Variants in TRIM3 observed in about 807,000 individuals in gnomAD.
TRIM3 encodes the protein tripartite motif containing 3.
TRIM3 carries 13 observed loss-of-function variants against 66.6 expected under a neutral mutation model. That is an observed-to-expected ratio of 0.20 (90% confidence interval 0.13 to 0.31). The LOEUF is 0.31. Among genes scored for constraint, TRIM3 ranks in the 10% least tolerant of loss-of-function variants. The pLI, the probability that TRIM3 is intolerant of heterozygous loss-of-function variation, is 1.00. For missense variants in TRIM3, 711 were observed against 1,020.4 expected (o/e 0.70, Z 4.13); for synonymous variants, 406 against 411.7 (o/e 0.99, Z 0.17).
At chr11:6,454,386 C>CAAA (rs10665333) in intron 7 of TRIM3, among the ~76,000 whole-genome samples, 2,700 of 129,120 alleles carry the variant, frequency 0.021, 76 homozygotes, top group African/African-American at 0.065. Context: ...GACCCTGTCT[C>CAAA]AAAAAAAAAA....
At position 6,458,147 on chromosome 11, in the gene TRIM3, T is replaced by A. The variant is rs2134187116; in HGVS notation, c.281A>T (p.Asp94Val). 6.2e-7 allele frequency: 1 copy of A among 1,614,052 alleles called. No individual in the cohort carries two copies. The highest frequency in any genetic ancestry group is 2.2e-5 in the East Asian group (1 of 44,874). The change falls in exon 3 of 12, where the codon GAT becomes GTT. Residue 94 changes from aspartate (D) to valine (V), a missense_variant. Transcript: ENST00000345851. This position sits in a 1 kb window ranked among gnomAD's most constrained non-coding sequence, Gnocchi z 6.2. Reference sequence around the variant, plus strand: ...GGGGTCCTCCGGGTCGTGGGCCCCATCAGGTGCCTGCTGCATTGCCTCCAT... The same window carrying A: ...GGGGTCCTCCGGGTCGTGGGCCCCAACAGGTGCCTGCTGCATTGCCTCCAT... ...SLMEAMQQAP[D>V]GAHDPEDPHP...
At position 6,456,093 on chromosome 11, in the gene TRIM3, G is replaced by C; in HGVS notation, c.1512C>G (p.Asp504Glu). 1 of 1,614,182 alleles carries C rather than the reference G, an allele frequency of 6.2e-7. No homozygotes were observed. The highest frequency in any genetic ancestry group is 8.5e-7 in the Non-Finnish European group (1 of 1,180,034). The change falls in exon 7 of 12, where the codon GAC becomes GAG. Residue 504 changes from aspartate (D) to glutamate (E), a missense_variant. Transcript: ENST00000345851. This position sits in a 1 kb window ranked among gnomAD's most constrained non-coding sequence, Gnocchi z 6.4. ...AASSGRIVVA[D>E]SNNQCIQVFS... is the part of the protein sequence containing the mutation. ...TTACCTGAATACACTGGTTGTTGCT[G>C]TCTGCTACCACGATGCGGCCGCTGC... is the stretch of plus-strand genomic sequence containing the variant.
chr11:6,453,780 C>G (rs927754268), intron 7 of TRIM3, among the ~76,000 whole-genome samples: 15 of 152,218 alleles, frequency 9.9e-5, no homozygotes, highest in Admixed American at 1.3e-4. Context: ...TCAGTGAGGT[C>G]TGCCTCATCC....
At position 6,458,430 on chromosome 11, in the gene TRIM3, G is replaced by C; in HGVS notation, c.132-134C>G. ...ACTTCATTTTAAAACCTCTCTGCTT[G>C]ACACATCTCATCTGCCAGCAGGTAT... On this transcript the variant is annotated intron_variant, in intron 2 of 11. Coordinates refer to ENST00000345851, the MANE Select transcript of TRIM3 (RefSeq NM_033278.4). This position sits in a 1 kb window ranked among gnomAD's most constrained non-coding sequence, Gnocchi z 6.2. The C allele has an allele frequency of 1.4e-6, 1 of 710,930 alleles. No individual in the cohort carries two copies. Among genetic ancestry groups the C allele is most frequent in the Non-Finnish European group, 2.4e-6 (1 of 423,796 alleles). 44.0% of individuals were successfully genotyped at this position (710,930 alleles called of 1,614,324 possible).
chr11:6,474,231 G>A (rs543888034), upstream of TRIM3: 2 of 152,354 alleles, frequency 1.3e-5, no homozygotes, highest in South Asian at 2.1e-4. Flanking sequence ...TCGGTCTCAG[G>A]GATTGAGATG....
chr11:6,448,871 C>G lies in TRIM3; in HGVS notation c.*157G>C, dbSNP rs1849606612. On this transcript the variant is annotated 3_prime_UTR_variant, in exon 12 of 12. Transcript: ENST00000345851. Reference sequence around the variant, plus strand: ...CAAGAACCGAATAAATAAAGTGCAACCGTGGGGGTGGGGGTAGGAGAGGGA... The same window carrying G: ...CAAGAACCGAATAAATAAAGTGCAAGCGTGGGGGTGGGGGTAGGAGAGGGA... 10 of 860,382 alleles carry G rather than the reference C, an allele frequency of 1.2e-5. No homozygotes were observed. In the South Asian group the frequency reaches 1.4e-4, roughly 12 times the overall value. The allele number at this position is 860,382 out of a possible 1,614,324, so 53.3% of individuals were successfully genotyped here.
chr11:6,465,330 C>G (rs1030607893), intron 2 of TRIM3, among the ~76,000 whole-genome samples: 14 of 152,294 alleles, frequency 9.2e-5, no homozygotes, highest in African/African-American at 3.4e-4. Context: ...AGAGAAGGCC[C>G]TATTCTTGAC....
At chr11:6,459,102 G>A (rs1012970846) in intron 2 of TRIM3, among the ~76,000 whole-genome samples, 1 of 152,222 alleles carries the variant, frequency 6.6e-6, no homozygotes, top group African/African-American at 2.4e-5. Context: ...AAAGTCTTCA[G>A]AGAGTTGATG....
intron 1 of TRIM3, 36 bp from the exon 2 acceptor site, chr11:6,465,768 A>T: frequency 1.3e-6 from 2 of 1,581,136 alleles, no homozygotes; most frequent in Admixed American, 1.7e-5. Flanking sequence ...GGGAGTCCAG[A>T]ACTTCTTCTC....
intron 1 of TRIM3, among the ~76,000 whole-genome samples, chr11:6,471,679 A>C (rs1345093817): frequency 6.6e-6 from 1 of 152,252 alleles, no homozygotes; most frequent in Admixed American, 6.5e-5. Context: ...ACAATGTGAT[A>C]AGTACCATGA....
rs1217787791 is a variant in TRIM3, at chr11:6,456,868, G to A, written c.858C>T (p.Phe286=). 6.2e-7 allele frequency: 1 copy of A among 1,612,616 alleles called. No homozygotes were observed. Among genetic ancestry groups the A allele is most frequent in the Middle Eastern group, 1.6e-4 (1 of 6,062 alleles). ...ERLAALAAQA[F]PERPHENAQL... is the part of the protein sequence containing the mutation. ...GTGCATTCTCATGTGGCCGCTCCGG[G>A]AAGGCCTGTGCCGCCAATGCAGCCA... Residue 286 remains phenylalanine, a synonymous_variant, in exon 6 of 12, where the codon TTC becomes TTT. Coordinates refer to ENST00000345851, the MANE Select transcript of TRIM3 (RefSeq NM_033278.4). This position sits in a 1 kb window ranked among gnomAD's most constrained non-coding sequence, Gnocchi z 6.4.
At position 6,472,494 on chromosome 11, in the gene TRIM3, C is replaced by T. The variant is rs186456628; in HGVS notation, c.-38+1297G>A. Reference sequence around the variant, plus strand: ...TAAGTCACCTGTGACACTCTATGAACGCTCTCTATTCTAACCATATGGTTT... The same window carrying T: ...TAAGTCACCTGTGACACTCTATGAATGCTCTCTATTCTAACCATATGGTTT... On this transcript the variant is annotated intron_variant, in intron 1 of 11. Coordinates refer to ENST00000345851, the MANE Select transcript of TRIM3 (RefSeq NM_033278.4). Among the ~76,000 whole-genome samples, 14 of 145,470 alleles carry T rather than the reference C, an allele frequency of 9.6e-5. No homozygotes were observed. The East Asian group carries it at 1.1e-3, about 11-fold the overall frequency.
Position 6,456,395 on chromosome 11 carries a change from T to C in TRIM3, c.1331A>G (p.His444Arg), listed in dbSNP as rs760460780. The C allele has an allele frequency of 5.2e-6, 8 of 1,530,504 alleles. No homozygotes were observed. Among genetic ancestry groups the C allele is most frequent in the Non-Finnish European group, 6.2e-6 (7 of 1,136,198 alleles). The allele number at this position is 1,530,504 out of a possible 1,614,324, so 94.8% of individuals were successfully genotyped here. ...CCTACGCACTGCCTTCTGGCGCACA[T>C]GGCTGCCGGGGCCGCCAGGGGACTT... ...RVKSPGGPGS[H>R]VRQKAVRRPS... Residue 444 changes from histidine (H) to arginine (R), a missense_variant, in exon 6 of 12, where the codon CAT (histidine) becomes CGT (arginine). His to Arg is a conservative substitution (Grantham distance 29). Coordinates refer to ENST00000345851, the MANE Select transcript of TRIM3 (RefSeq NM_033278.4). This position sits in a 1 kb window ranked among gnomAD's most constrained non-coding sequence, Gnocchi z 6.4.
Position 6,465,627 on chromosome 11 carries a change from G to C in TRIM3, c.69C>G (p.Ser23Arg), listed in dbSNP as rs546292125. The C allele has an allele frequency of 6.2e-7, 1 of 1,614,176 alleles. No homozygotes were observed. The highest frequency in any genetic ancestry group is 1.3e-5 in the African/African-American group (1 of 75,048). The change falls in exon 2 of 12, where the codon AGC becomes AGG. Residue 23 changes from serine (S) to arginine (R), a missense_variant. By Grantham distance (110) the Ser-to-Arg change is moderately radical. This residue lies in a region of TRIM3 where 149 missense variants were observed against 240.3 expected (regional missense o/e 0.62). Coordinates refer to ENST00000345851, the MANE Select transcript of TRIM3 (RefSeq NM_033278.4). ...GGCACTGGTACCGATCCAGGCAGATGCTGCATACCAGGAACTGCTTGTCCA... is the reference window on the plus strand; with the variant it reads ...GGCACTGGTACCGATCCAGGCAGATCCTGCATACCAGGAACTGCTTGTCCA... ...QPMDKQFLVC[S>R]ICLDRYQCPK... is the part of the protein sequence containing the mutation.
At chr11:6,455,538 A>G (rs1279676284) in intron 7 of TRIM3, among the ~76,000 whole-genome samples, 1 of 152,202 alleles carries the variant, frequency 6.6e-6, no homozygotes. Flanking sequence ...GTATGAGGTT[A>G]TGGGAGAGGC....
chr11:6,448,726 T>G lies in TRIM3; in HGVS notation c.*302A>C. The G allele has an allele frequency of 1.6e-6, 1 of 611,554 alleles. No individual in the cohort carries two copies. The highest frequency in any genetic ancestry group is 2.9e-6 in the Non-Finnish European group (1 of 343,892). The allele number at this position is 611,554 out of a possible 1,614,324, so 37.9% of individuals were successfully genotyped here. A position where few individuals can be genotyped will look rare whatever the true frequency, so the allele number is the denominator to read the frequency against. ...ACTCCTGTCCTGGGGTAGGCTGTTC[T>G]GGCCCCAGGCTGGGGGATGGGGAGC... is the stretch of plus-strand genomic sequence containing the variant. On this transcript the variant is annotated 3_prime_UTR_variant, in exon 12 of 12. Transcript: ENST00000345851.
intron 2 of TRIM3, 90 bp downstream of exon 2, chr11:6,465,475 C>T (rs2134216009): frequency 6.6e-7 from 1 of 1,524,202 alleles, no homozygotes; most frequent in Non-Finnish European, 9.0e-7. Flanking sequence ...TACAGGTTTA[C>T]ACATGCTCCC....
intron 1 of TRIM3, among the ~76,000 whole-genome samples, chr11:6,468,536 T>C (rs1257767066): frequency 6.6e-6 from 1 of 152,026 alleles, no homozygotes; most frequent in East Asian, 1.9e-4. Context: ...AGAGAAATGG[T>C]AGGAAAACCA....
chr11:6,456,630 TCTCTGCACGCAG>T lies in TRIM3; in HGVS notation c.1084_1095del (p.Leu362_Glu365del). On this transcript the variant is annotated inframe_deletion, in exon 6 of 12. Coordinates refer to ENST00000345851, the MANE Select transcript of TRIM3 (RefSeq NM_033278.4). This position sits in a 1 kb window ranked among gnomAD's most constrained non-coding sequence, Gnocchi z 6.4. ...AGGCGCGTGCCGTCCGGGCCGGTGA[TCTCTGCACGCAG>T]CTCAGCGCTGCCTGTGCGCACCAAC... 6.2e-7 allele frequency: 1 copy of T among 1,612,712 alleles called. No homozygotes were observed. The highest frequency in any genetic ancestry group is 8.5e-7 in the Non-Finnish European group (1 of 1,179,820).
Sources: allele counts gnomAD v4.1 joint callset (sites outside exome capture counted in the v4.1 genomes callset), GRCh38; gene constraint gnomAD v4.1.1; regional missense constraint gnomAD v4.1.1; non-coding constraint Gnocchi (gnomAD v3.1); transcripts MANE v1.5; gene names NCBI Gene and HGNC (gene_info 2026-07-23, HGNC 2026-07-21).